RMND5B: variants seen among roughly 807,000 people sequenced by gnomAD.
The protein encoded by RMND5B is required for meiotic nuclear division 5 homolog B, also known as E3 ubiquitin-protein transferase RMND5B.
RMND5B carries 42 observed loss-of-function variants against 50.4 expected under a neutral mutation model. That is an observed-to-expected ratio of 0.83 (90% CI 0.65 to 1.08). The LOEUF (loss-of-function observed/expected upper bound fraction) is 1.08. Among genes scored for constraint, RMND5B ranks in the 50% least tolerant of loss-of-function variants. The probability of loss-of-function intolerance (pLI) is 0.00; values close to 1 mark genes in which losing one functional copy is unlikely to be tolerated. For synonymous variants in RMND5B, 220 were observed against 210.0 expected (o/e 1.05, Z -0.41); for missense variants, 463 against 508.5 (o/e 0.91, Z 0.86).
At position 178,143,964 on chromosome 5, in the gene RMND5B, C is replaced by T. The variant is rs770995371; in HGVS notation, c.550C>T (p.Arg184Cys). 2.4e-5 allele frequency: 38 copies of T among 1,614,110 alleles called. No individual in the cohort carries two copies. In the South Asian group the frequency reaches 3.4e-4, roughly 14 times the overall value. The change falls in exon 7 of 11, where the codon CGC becomes TGC. Residue 184 changes from arginine to cysteine, a missense_variant. By Grantham distance (180) the Arg-to-Cys change is radical (BLOSUM62 -3). Transcript: ENST00000313386. ...ALEWAVSHRQRLLELNSSLEF... is the reference protein window; with the variant it reads ...ALEWAVSHRQCLLELNSSLEF... Reference sequence around the variant, plus strand: ...CAGATGGGCCGTCTCCCACAGGCAGCGCCTGCTGGAACTCAACAGCTCCCT... The same window carrying T: ...CAGATGGGCCGTCTCCCACAGGCAGTGCCTGCTGGAACTCAACAGCTCCCT...
Position 178,138,552 on chromosome 5 carries a change from AAC to A in RMND5B, c.139+296_139+297del, listed in dbSNP as rs374159471. On this transcript the variant is annotated intron_variant, in intron 3 of 10. Coordinates refer to ENST00000313386, the MANE Select transcript of RMND5B (RefSeq NM_022762.5). The surrounding 1 kb of genome is among the most constrained non-coding windows in gnomAD (Gnocchi z 5.1). ...GTGTGTGTGTGTGTGTGTGTGTAGA[AAC>A]AGTGTCTTTGTTGCCTAGGCTGGTC... Among the ~76,000 whole-genome samples the A allele has an allele frequency of 3.9e-4, 38 of 96,528 alleles. No homozygotes were observed. The highest frequency in any genetic ancestry group is 1.4e-3 in the African/African-American group (38 of 27,692). The allele number at this position is 96,528 out of a possible 152,430, so 63.3% of individuals were successfully genotyped here.
intron 2 of RMND5B, chr5:178,133,433 T>G (rs1758441677): frequency 1.3e-5 from 2 of 152,044 alleles, no homozygotes; most frequent in Non-Finnish European, 1.5e-5. Flanking sequence ...GAGACGGAGT[T>G]TTTGCTCTTG....
In RMND5B at chr5:178,147,522, C is replaced by T. The variant is rs1159356634; in HGVS notation, c.861-11C>T. 6.2e-7 allele frequency: 1 copy of T among 1,612,594 alleles called. No individual in the cohort carries two copies. ...ATCTGAGCCACTCTAGCCCCTGTTCCTTGTCTGCAGCTTTGCCTCTGGCTG... is the reference window on the plus strand; with the variant it reads ...ATCTGAGCCACTCTAGCCCCTGTTCTTTGTCTGCAGCTTTGCCTCTGGCTG... On this transcript the variant is annotated splice_polypyrimidine_tract_variant and intron_variant, in intron 8 of 10. Coordinates refer to ENST00000313386, the MANE Select transcript of RMND5B (RefSeq NM_022762.5).
At chr5:178,135,703 T>G (rs1758585786) in intron 2 of RMND5B, among the ~76,000 whole-genome samples, 1 of 152,192 alleles carries the variant, frequency 6.6e-6, no homozygotes, top group African/African-American at 2.4e-5. Context: ...CTTCTCAGCC[T>G]TTTCGCTGAG....
rs1216710495 is a variant in RMND5B, at chr5:178,148,944, CTGTTA to C, written c.*916_*920del. The C allele has an allele frequency of 6.6e-6, 1 of 152,264 alleles. No individual in the cohort carries two copies. Among genetic ancestry groups the C allele is most frequent in the African/African-American group, 2.4e-5 (1 of 41,446 alleles). 9.4% of individuals were successfully genotyped at this position (152,264 alleles called of 1,614,324 possible). A position where few individuals can be genotyped will look rare whatever the true frequency, so the allele number is the denominator to read the frequency against. On this transcript the variant is annotated 3_prime_UTR_variant, in exon 11 of 11. Coordinates refer to ENST00000313386, the MANE Select transcript of RMND5B (RefSeq NM_022762.5). ...TTTATTCCAGGGTGCCTGAACTTGG[CTGTTA>C]TGTATACTGAGTCCTGTGCAGGGCC...
At position 178,143,702 on chromosome 5, in the gene RMND5B, G is replaced by A. The variant is rs1398884534; in HGVS notation, c.502G>A (p.Glu168Lys). Reference sequence around the variant, plus strand: ...GAATCGAATCCTGGAAGCCCTGCACGAACAAGACCTGGGTCCTGCGTTGGA... The same window carrying A: ...GAATCGAATCCTGGAAGCCCTGCACAAACAAGACCTGGGTCCTGCGTTGGA... Reference protein sequence around the residue: ...ELNRILEALHEQDLGPALEWA... With the variant: ...ELNRILEALHKQDLGPALEWA... Residue 168 changes from glutamate to lysine, a missense_variant, in exon 6 of 11, where the codon GAA (glutamate) becomes AAA (lysine). Physicochemically the swap from Glu to Lys is moderately conservative, Grantham distance 56 (BLOSUM62 1). Coordinates refer to ENST00000313386, the MANE Select transcript of RMND5B (RefSeq NM_022762.5). 7 of 1,613,914 alleles carry A rather than the reference G, an allele frequency of 4.3e-6. No individual in the cohort carries two copies. The highest frequency in any genetic ancestry group is 2.2e-5 in the East Asian group (1 of 44,896).
In RMND5B at chr5:178,149,957, G is replaced by T; in HGVS notation, c.*1925G>T. ...CACAACCATGTTCTGTTCGGTCCAT[G>T]TTCTATTTAAAAGCATCTTGAATTG... On this transcript the variant is annotated 3_prime_UTR_variant, in exon 11 of 11. Transcript: ENST00000313386. The T allele has an allele frequency of 8.9e-7, 1 of 1,122,648 alleles. No individual in the cohort carries two copies. The highest frequency in any genetic ancestry group is 1.3e-6 in the Non-Finnish European group (1 of 777,294). The allele number at this position is 1,122,648 out of a possible 1,614,324, so 69.5% of individuals were successfully genotyped here.
In RMND5B at chr5:178,147,607, G is replaced by C. The variant is rs778721012; in HGVS notation, c.935G>C (p.Gly312Ala). 3 of 1,614,034 alleles carry C rather than the reference G, an allele frequency of 1.9e-6. No homozygotes were observed. The highest frequency in any genetic ancestry group is 1.7e-6 in the Non-Finnish European group (2 of 1,180,036). Residue 312 changes from glycine (G) to alanine (A), a missense_variant, in exon 9 of 11, where the codon GGG (glycine) becomes GCG (alanine). By Grantham distance (60) the Gly-to-Ala change is moderately conservative. Transcript: ENST00000313386. Reference sequence around the variant, plus strand: ...GTGATTGAGCAGCGGCAGTGCACTGGGGTCTGGAATCACAAGGACGAGTTA... The same window carrying C: ...GTGATTGAGCAGCGGCAGTGCACTGCGGTCTGGAATCACAAGGACGAGTTA... ...KAVIEQRQCT[G>A]VWNHKDELPI... is the part of the protein sequence containing the mutation.
At position 178,144,123 on chromosome 5, in the gene RMND5B, A is replaced by G; in HGVS notation, c.694+15A>G. On this transcript the variant is annotated intron_variant, in intron 7 of 10. Transcript: ENST00000313386. ...GCACCAGCGGGGTGAGTGCCCAGGC[A>G]GCTGGGGTTGTGCTGCCTGGCCTGA... is the stretch of plus-strand genomic sequence containing the variant. 6.2e-7 allele frequency: 1 copy of G among 1,610,474 alleles called. No individual in the cohort carries two copies. Among genetic ancestry groups the G allele is most frequent in the Non-Finnish European group, 8.5e-7 (1 of 1,177,762 alleles).
At position 178,142,969 on chromosome 5, in the gene RMND5B, A is replaced by G; in HGVS notation, c.403A>G (p.Ser135Gly). The change falls in exon 5 of 11, where the codon AGC becomes GGC. Residue 135 changes from serine to glycine, a missense_variant. Transcript: ENST00000313386. Reference protein sequence around the residue: ...VEHLYQQGMLSVAEELCQEST... With the variant: ...VEHLYQQGMLGVAEELCQEST... ...ACACCTGTATCAGCAGGGCATGCTC[A>G]GCGTGGCCGAGGAGCTGTGCCAGGT... The G allele has an allele frequency of 6.2e-7, 1 of 1,613,916 alleles. No individual in the cohort carries two copies. The highest frequency in any genetic ancestry group is 8.5e-7 in the Non-Finnish European group (1 of 1,179,836).
chr5:178,147,462 C>T (rs993318419), intron 8 of RMND5B, 71 bp from the exon 9 acceptor site: 3 of 1,219,512 alleles, frequency 2.5e-6, no homozygotes, highest in African/African-American at 1.5e-5. Context: ...CATGCTGAAG[C>T]ATGGCGCGCT....
At chr5:178,145,373 C>G (rs1028086823) in intron 7 of RMND5B, among the ~76,000 whole-genome samples, 3 of 151,822 alleles carry the variant, frequency 2.0e-5, no homozygotes, top group Non-Finnish European at 4.4e-5. Context: ...GTAGTCCCAG[C>G]TACCCGGGAG....
Position 178,143,007 on chromosome 5 carries a change from G to A in RMND5B, c.426+15G>A. The A allele has an allele frequency of 6.2e-7, 1 of 1,603,916 alleles. No individual in the cohort carries two copies. The highest frequency in any genetic ancestry group is 8.5e-7 in the Non-Finnish European group (1 of 1,173,662). ...AGCTGTGCCAGGTACAGTCGGGCTG[G>A]GCGGGCGCAACAACCTGCCTGCTCT... On this transcript the variant is annotated intron_variant, in intron 5 of 10. Transcript: ENST00000313386.
chr5:178,143,873 C>A, intron 6 of RMND5B, 69 bp from the exon 7 acceptor site: 1 of 1,573,070 alleles, frequency 6.4e-7, no homozygotes, highest in Non-Finnish European at 8.7e-7. Context: ...TGGGGCCCTC[C>A]TCTCAGGTGC....
intron 2 of RMND5B, among the ~76,000 whole-genome samples, chr5:178,135,780 T>C (rs1758590889): frequency 6.6e-6 from 1 of 152,214 alleles, no homozygotes; most frequent in Non-Finnish European, 1.5e-5. Context: ...CTGGTAGCTC[T>C]TGGTGTCTGA....
At position 178,148,154 on chromosome 5, in the gene RMND5B, A is replaced by G; in HGVS notation, c.*122A>G. 2 of 943,610 alleles carry G rather than the reference A, an allele frequency of 2.1e-6. No individual in the cohort carries two copies. The highest frequency in any genetic ancestry group is 2.5e-5 in the East Asian group (1 of 40,010). 58.5% of individuals were successfully genotyped at this position (943,610 alleles called of 1,614,324 possible). ...TCAGAGCGCCTGGCTGAGGAGTTCCACTGAGGGGAGCACTGGAGCAGCCCT... is the reference window on the plus strand; with the variant it reads ...TCAGAGCGCCTGGCTGAGGAGTTCCGCTGAGGGGAGCACTGGAGCAGCCCT... On this transcript the variant is annotated 3_prime_UTR_variant, in exon 11 of 11. Transcript: ENST00000313386.
Position 178,150,318 on chromosome 5 carries a change from A to G in RMND5B, c.*2286A>G. 1 of 232,794 alleles carries G rather than the reference A, an allele frequency of 4.3e-6. No individual in the cohort carries two copies. Among genetic ancestry groups the G allele is most frequent in the Non-Finnish European group, 8.7e-6 (1 of 114,916 alleles). The allele number at this position is 232,794 out of a possible 1,614,324, so 14.4% of individuals were successfully genotyped here. On this transcript the variant is annotated 3_prime_UTR_variant, in exon 11 of 11. Coordinates refer to ENST00000313386, the MANE Select transcript of RMND5B (RefSeq NM_022762.5). ...CAGGCCAAACGGTAAGTTCCTTCAG[A>G]ACAGGGCCTCCTGCTTTATCCCAAG...
At position 178,147,634 on chromosome 5, in the gene RMND5B, C is replaced by T. The variant is rs143335953; in HGVS notation, c.962C>T (p.Pro321Leu). 1.4e-4 allele frequency: 228 copies of T among 1,613,914 alleles called. No homozygotes were observed. The highest frequency in any genetic ancestry group is 3.3e-4 in the Middle Eastern group (2 of 6,084). The part of the protein sequence containing the change: ...TGVWNHKDEL[P>L]IEIELGMKCW... ...GTCTGGAATCACAAGGACGAGTTAC[C>T]GGTGAGGCCTGGTCTGGGGAATCGT... The change falls in exon 9 of 11, where the codon CCG becomes CTG. Residue 321 changes from proline to leucine, a missense_variant and splice_region_variant. Physicochemically the swap from Pro to Leu is moderately conservative, Grantham distance 98. Coordinates refer to ENST00000313386, the MANE Select transcript of RMND5B (RefSeq NM_022762.5).
At position 178,148,381 on chromosome 5, in the gene RMND5B, C is replaced by T; in HGVS notation, c.*349C>T. ...CTTCCACCCCTGCCCTCAGCCAAGT[C>T]TCTTGCTGCCATGCCAATGCTATGT... is the stretch of plus-strand genomic sequence containing the variant. On this transcript the variant is annotated 3_prime_UTR_variant, in exon 11 of 11. Transcript: ENST00000313386. The T allele has an allele frequency of 2.7e-6, 1 of 370,362 alleles. No individual in the cohort carries two copies. The highest frequency in any genetic ancestry group is 5.1e-6 in the Non-Finnish European group (1 of 195,028). 22.9% of individuals were successfully genotyped at this position (370,362 alleles called of 1,614,324 possible).
Sources: gnomAD v4.1 joint callset for allele counts (sites outside exome capture counted in the v4.1 genomes callset) on GRCh38, gnomAD v4.1.1 for gene constraint, Gnocchi (gnomAD v3.1) non-coding constraint, MANE v1.5 for transcripts, NCBI Gene and HGNC (gene_info 2026-07-23, HGNC 2026-07-21) for gene names.